ZNF251: variants seen among roughly 807,000 people sequenced by gnomAD.
The protein encoded by ZNF251 is zinc finger protein 251.
ZNF251 carries 14 observed loss-of-function variants against 13.5 expected under a neutral mutation model. The ratio of observed to expected loss-of-function variants is 1.04; its 90% CI spans 0.69 to 1.63. The LOEUF (loss-of-function observed/expected upper bound fraction) is 1.63, where lower values mean the gene tolerates loss of function less well. Among genes scored for constraint, ZNF251 ranks in the 40% most tolerant of loss-of-function variants. The pLI is 0.00. For synonymous variants in ZNF251, 287 were observed against 295.2 expected (o/e 0.97, Z 0.28); for missense variants, 764 against 834.9 (o/e 0.92, Z 1.05).
intron 4 of ZNF251, among the ~76,000 whole-genome samples, chr8:144,743,312 C>T (rs1447928363): frequency 6.6e-6 from 1 of 152,186 alleles, no homozygotes; most frequent in African/African-American, 2.4e-5. Context: ...GATCCACCCG[C>T]CTTGGCCTCC....
chr8:144,721,767 G>A lies in ZNF251; in HGVS notation c.1893C>T (p.Phe631=). The A allele has an allele frequency of 6.9e-7, 1 of 1,448,550 alleles. No homozygotes were observed. The highest frequency in any genetic ancestry group is 9.1e-7 in the Non-Finnish European group (1 of 1,097,832). 89.7% of individuals were successfully genotyped at this position (1,448,550 alleles called of 1,614,324 possible). ...GTGGTGTGAGCTGTGAACTCTGGCT[G>A]AAGGCTTTCCCATACACACTGCAAT... ...PCHCSVYGKA[F]SQSSQLTPPQ... The change falls in exon 5 of 5, where the codon TTC becomes TTT. Residue 631 remains phenylalanine (F), a synonymous_variant. Transcript: ENST00000292562.
At chr8:144,731,991 G>A (rs1408884567) in intron 4 of ZNF251, among the ~76,000 whole-genome samples, 1 of 148,650 alleles carries the variant, frequency 6.7e-6, no homozygotes, top group Non-Finnish European at 1.5e-5. Flanking sequence ...CACCCAGGCT[G>A]GAGTGCAATG....
chr8:144,741,269 G>A (rs1824153010), intron 4 of ZNF251, among the ~76,000 whole-genome samples: 1 of 152,220 alleles, frequency 6.6e-6, no homozygotes, highest in Non-Finnish European at 1.5e-5. Flanking sequence ...CAGTGCCCAG[G>A]GCACAGTGGT....
chr8:144,730,745 G>C (rs1314797161), intron 4 of ZNF251, among the ~76,000 whole-genome samples: 2 of 152,248 alleles, frequency 1.3e-5, no homozygotes, highest in Non-Finnish European at 2.9e-5. Flanking sequence ...GGAGCCTGTG[G>C]CTCTCCGGGG....
chr8:144,746,735 A>G (rs1345169259), intron 4 of ZNF251, among the ~76,000 whole-genome samples: 1 of 151,286 alleles, frequency 6.6e-6, no homozygotes, highest in African/African-American at 2.4e-5. Context: ...GAATTGGTTC[A>G]TTTATCAAAT....
At chr8:144,745,432 A>G (rs114369170) in intron 4 of ZNF251, among the ~76,000 whole-genome samples, 3,693 of 152,188 alleles carry the variant, frequency 0.024, 139 homozygotes, top group African/African-American at 0.085. Flanking sequence ...ATTGGGTACT[A>G]TGGGTCCTCC....
intron 4 of ZNF251, among the ~76,000 whole-genome samples, chr8:144,744,178 G>C (rs144750696): frequency 1.3e-5 from 2 of 151,726 alleles, no homozygotes; most frequent in South Asian, 4.2e-4. Flanking sequence ...CACCCAGCTG[G>C]TTTTTGTATT....
intron 4 of ZNF251, among the ~76,000 whole-genome samples, chr8:144,743,594 C>T (rs1429067725): frequency 6.6e-6 from 1 of 152,174 alleles, no homozygotes; most frequent in Non-Finnish European, 1.5e-5. Flanking sequence ...GACAAAACTG[C>T]TGGATCACAT....
At chr8:144,754,132 A>T (rs1357143754) in intron 3 of ZNF251, 60 bp downstream of exon 3, 1 of 1,561,578 alleles carries the variant, frequency 6.4e-7, no homozygotes, top group Non-Finnish European at 8.7e-7. Context: ...GAGCCAAAGC[A>T]GCCTCCCAAG....
In ZNF251 at chr8:144,723,362, T is replaced by G; in HGVS notation, c.298A>C (p.Lys100Gln). The G allele has an allele frequency of 2.0e-6, 3 of 1,501,762 alleles. No homozygotes were observed. The highest frequency in any genetic ancestry group is 4.8e-5 in the Admixed American group (2 of 41,314). 93.0% of individuals were successfully genotyped at this position (1,501,762 alleles called of 1,614,324 possible). The change falls in exon 5 of 5, where the codon AAG (lysine) becomes CAG (glutamine). Residue 100 changes from lysine (K) to glutamine (Q), a missense_variant. Physicochemically the swap from Lys to Gln is moderately conservative, Grantham distance 53. Coordinates refer to ENST00000292562, the MANE Select transcript of ZNF251 (RefSeq NM_138367.2). Reference protein sequence around the residue: ...CQKDSEVGTKKELSILNQKFS... With the variant: ...CQKDSEVGTKQELSILNQKFS... ...TTTTGGTTTAAAATAGATAGTTCCT[T>G]CTTGGTCCCAACCTCAGAATCTGTT...
intron 4 of ZNF251, among the ~76,000 whole-genome samples, chr8:144,741,409 C>T (rs1375580787): frequency 6.6e-6 from 1 of 152,168 alleles, no homozygotes; most frequent in Admixed American, 6.6e-5. Flanking sequence ...TACATACACA[C>T]GATGCAGATA....
At chr8:144,731,618 G>A (rs1823696915) in intron 4 of ZNF251, among the ~76,000 whole-genome samples, 1 of 152,198 alleles carries the variant, frequency 6.6e-6, no homozygotes, top group Non-Finnish European at 1.5e-5. Context: ...ACAGAGTCTT[G>A]CTCTATTGCC....
intron 4 of ZNF251, among the ~76,000 whole-genome samples, chr8:144,741,853 T>C (rs191350886): frequency 6.6e-6 from 1 of 152,240 alleles, no homozygotes; most frequent in Non-Finnish European, 1.5e-5. Flanking sequence ...CTTACAAATC[T>C]GTTAGATAAT....
At position 144,722,437 on chromosome 8, in the gene ZNF251, T is replaced by C. The variant is rs749112288; in HGVS notation, c.1223A>G (p.Asn408Ser). 12 of 1,613,810 alleles carry C rather than the reference T, an allele frequency of 7.4e-6. No individual in the cohort carries two copies. In the African/African-American group the frequency reaches 1.5e-4, roughly 20 times the overall value. Residue 408 changes from asparagine to serine, a missense_variant, in exon 5 of 5, where the codon AAT (asparagine) becomes AGT (serine). Asn to Ser is a conservative substitution (Grantham distance 46, BLOSUM62 1). Transcript: ENST00000292562. The surrounding 1 kb of genome is among the most constrained non-coding windows in gnomAD (Gnocchi z 4.8). ...AAAACCAAAGGCTCTGCCGCATTCA[T>C]TACATACATAGGGTTTCTCTCCAGT... Reference protein sequence around the residue: ...VHTGEKPYVCNECGRAFGFNS... With the variant: ...VHTGEKPYVCSECGRAFGFNS...
At chr8:144,755,057 G>A (rs1824894437) in intron 1 of ZNF251, 2 of 1,332,524 alleles carry the variant, frequency 1.5e-6, no homozygotes, top group Non-Finnish European at 9.6e-7. Context: ...CCTGCTGAAG[G>A]CCCTGGAAAT....
intron 4 of ZNF251, among the ~76,000 whole-genome samples, chr8:144,741,319 G>C (rs1250253767): frequency 2.6e-5 from 4 of 152,246 alleles, no homozygotes; most frequent in Middle Eastern, 3.4e-3. Context: ...AACTTGTGAA[G>C]GTACATGCTG....
chr8:144,723,450 G>T, intron 4 of ZNF251, 68 bp from the exon 5 acceptor site: 1 of 1,220,802 alleles, frequency 8.2e-7, no homozygotes, highest in Non-Finnish European at 1.1e-6. Context: ...CCATAATGTG[G>T]TAGAAGCTCC....
rs780734217 is a variant in ZNF251 at position 144,738,696 on chromosome 8, C to T, written c.277+14987G>A. The T allele has an allele frequency of 1.9e-5, 19 of 985,262 alleles. 1 individual carries two copies. The highest frequency in any genetic ancestry group is 1.9e-4 in the South Asian group (4 of 21,284). The allele number at this position is 985,262 out of a possible 1,614,324, so 61.0% of individuals were successfully genotyped here. A position where few individuals can be genotyped will look rare whatever the true frequency, so the allele number is the denominator to read the frequency against. On this transcript the variant is annotated intron_variant, in intron 4 of 4. Transcript: ENST00000292562. ...ACAGTTCTCTCGTTCAAGGCAACCT[C>T]GTGGGGGCACCTGTTTGTGGAAACA...
Position 144,723,164 on chromosome 8 carries a change from T to C in ZNF251, c.496A>G (p.Thr166Ala). The change falls in exon 5 of 5, where the codon ACA becomes GCA. Residue 166 changes from threonine (T) to alanine (A), a missense_variant. Thr to Ala is a moderately conservative substitution (Grantham distance 58, BLOSUM62 0). Coordinates refer to ENST00000292562, the MANE Select transcript of ZNF251 (RefSeq NM_138367.2). ...NKPNIHKRVL[T>A]EATVGRERSL... Reference sequence around the variant, plus strand: ...CTTTCCCTGCCCACGGTAGCTTCTGTTAAAACTCTCTTGTGAATATTGGGT... The same window carrying C: ...CTTTCCCTGCCCACGGTAGCTTCTGCTAAAACTCTCTTGTGAATATTGGGT... 6.2e-7 allele frequency: 1 copy of C among 1,612,754 alleles called. No homozygotes were observed. Among genetic ancestry groups the C allele is most frequent in the Non-Finnish European group, 8.5e-7 (1 of 1,179,252 alleles).
Sources: gnomAD v4.1 joint callset for allele counts (sites outside exome capture counted in the v4.1 genomes callset) on GRCh38, gnomAD v4.1.1 for gene constraint, Gnocchi (gnomAD v3.1) non-coding constraint, MANE v1.5 for transcripts, NCBI Gene and HGNC (gene_info 2026-07-23, HGNC 2026-07-21) for gene names.